COL4A5: variants seen among roughly 807,000 people sequenced by gnomAD.
The protein encoded by COL4A5 is collagen alpha-5(IV) chain.
Under a neutral mutation model 130.2 loss-of-function variants are expected in COL4A5, and 26 were observed. That is an observed-to-expected ratio of 0.20 (90% confidence interval 0.15 to 0.28). The LOEUF (loss-of-function observed/expected upper bound fraction) is 0.28. COL4A5 is among the 10% of genes least tolerant of loss of function. COL4A5 has a pLI of 1.00. For synonymous variants in COL4A5, 496 were observed against 439.6 expected (o/e 1.13, Z -1.60); for missense variants, 1,131 against 1,344.3 (o/e 0.84, Z 2.48).
At chrX:108,540,370 T>C (rs1181587542) in intron 2 of COL4A5, among the ~76,000 whole-genome samples, 1 of 112,353 alleles carries the variant, frequency 8.9e-6, no homozygotes, top group African/African-American at 3.2e-5. Flanking sequence ...TTTATCAAGC[T>C]ACTAATCTCT....
At chrX:108,554,770 C>T (rs770775714) in intron 2 of COL4A5, among the ~76,000 whole-genome samples, 1 of 110,907 alleles carries the variant, frequency 9.0e-6, no homozygotes, top group South Asian at 3.9e-4. Flanking sequence ...GCTGAGCTGG[C>T]AGGATCACCT....
chrX:108,457,281 A>C (rs2064593707), intron 1 of COL4A5, among the ~76,000 whole-genome samples: 1 of 111,904 alleles, frequency 8.9e-6, no homozygotes, highest in Admixed American at 9.5e-5. Flanking sequence ...AAACTGCCAA[A>C]TTGTTTTCCT....
chrX:108,532,652 G>A (rs985884056), intron 1 of COL4A5, among the ~76,000 whole-genome samples: 1 of 111,164 alleles, frequency 9.0e-6, no homozygotes. Context: ...CCTCTTTACC[G>A]ATATATCTAT....
intron 36 of COL4A5, among the ~76,000 whole-genome samples, chrX:108,641,186 TAAAG>T (rs1329568905): frequency 2.7e-5 from 3 of 112,002 alleles, no homozygotes; most frequent in Non-Finnish European, 5.6e-5. Flanking sequence ...AAAAGTTAAA[TAAAG>T]AGTTATCATA....
intron 36 of COL4A5, chrX:108,627,032 T>C (rs1269964654): frequency 4.2e-6 from 3 of 711,662 alleles, no homozygotes; most frequent in Non-Finnish European, 5.0e-6. Flanking sequence ...GATATAAGAA[T>C]TTATTGAATT....
rs1418422781 is a variant in COL4A5, at chrX:108,620,899, C to T, written c.2677+473C>T. On this transcript the variant is annotated intron_variant, in intron 31 of 52. Transcript: ENST00000328300. ...CATTATGGTAGTATAAGGCTGGTTG[C>T]TCCCCTTCCATGGCAGCTGGCTTCC... Among the ~76,000 whole-genome samples, 10 of 110,646 alleles carry T rather than the reference C, an allele frequency of 9.0e-5. No individual in the cohort carries two copies. In the Admixed American group the frequency reaches 9.7e-4, roughly 11 times the overall value.
At chrX:108,667,836 GA>G (rs57021388) in intron 40 of COL4A5, among the ~76,000 whole-genome samples, 11,381 of 110,386 alleles carry the variant, frequency 0.1, 1,298 homozygotes, top group African/African-American at 0.33. Context: ...CAGAGGTAGA[GA>G]AAAAATGTTG....
In COL4A5 at chrX:108,656,965, C is replaced by G. The variant is rs141110537; in HGVS notation, c.3373+1508C>G. Among the ~76,000 whole-genome samples the G allele has an allele frequency of 1.1e-3, 118 of 111,230 alleles. 3 individuals carry two copies. The East Asian group carries it at 0.032, about 30-fold the overall frequency. ...TCTCTGTGCCTCAGATTTGCCTTTC[C>G]TAATGCTGTTGTGTAATGAACAAAA... is the stretch of plus-strand genomic sequence containing the variant. On this transcript the variant is annotated intron_variant, in intron 37 of 52. Coordinates refer to ENST00000328300, the MANE Select transcript of COL4A5 (RefSeq NM_033380.3).
chrX:108,685,233 T>G (rs1470782696), intron 47 of COL4A5, among the ~76,000 whole-genome samples: 6 of 112,092 alleles, frequency 5.4e-5, no homozygotes, highest in Admixed American at 4.7e-4. Context: ...ATGCAGATCA[T>G]TCTTTTAAGG....
intron 18 of COL4A5, 115 bp from the exon 19 acceptor site, chrX:108,586,500 A>T: frequency 2.7e-6 from 2 of 742,957 alleles, no homozygotes; most frequent in Non-Finnish European, 4.1e-6. Context: ...AATGTGACTC[A>T]TAAACTATGT....
intron 1 of COL4A5, among the ~76,000 whole-genome samples, chrX:108,529,787 C>T (rs1328852273): frequency 2.8e-5 from 3 of 108,196 alleles, no homozygotes; most frequent in African/African-American, 1.0e-4. Flanking sequence ...GAGTTTAAGT[C>T]AAGAACAGTT....
chrX:108,558,680 G>A (rs2065862188), intron 2 of COL4A5, among the ~76,000 whole-genome samples: 1 of 110,777 alleles, frequency 9.0e-6, no homozygotes, highest in South Asian at 3.8e-4. Context: ...TTCAAGTCTG[G>A]GAGCTTCTCT....
chrX:108,558,998 A>G (rs2065866343), intron 2 of COL4A5, 66 bp from the exon 3 acceptor site: 7 of 882,085 alleles, frequency 7.9e-6, no homozygotes, highest in Middle Eastern at 5.7e-4. Flanking sequence ...ATCTTTTTGA[A>G]TCTCAACCAT....
chrX:108,561,275 T>C (rs2065894870), intron 3 of COL4A5, among the ~76,000 whole-genome samples: 1 of 111,228 alleles, frequency 9.0e-6, no homozygotes, highest in Admixed American at 9.5e-5. Flanking sequence ...GTCACAAGGT[T>C]AGTCTGTAGG....
At chrX:108,679,326 G>T (rs765333672) in intron 44 of COL4A5, among the ~76,000 whole-genome samples, 24 of 111,653 alleles carry the variant, frequency 2.1e-4, no homozygotes, top group Non-Finnish European at 4.3e-4. Flanking sequence ...GTGGCAAAAT[G>T]ATGTTGTTTC....
chrX:108,513,108 CTA>C (rs1479102022), intron 1 of COL4A5, among the ~76,000 whole-genome samples: 1 of 111,628 alleles, frequency 9.0e-6, no homozygotes, highest in African/African-American at 3.3e-5. Flanking sequence ...TTGTGTGAAC[CTA>C]TGTTTTAATT....
At chrX:108,641,445 T>C (rs1487986130) in intron 36 of COL4A5, among the ~76,000 whole-genome samples, 2 of 111,769 alleles carry the variant, frequency 1.8e-5, no homozygotes, top group East Asian at 5.6e-4. Context: ...GAGGTACGCA[T>C]TGTGAATTTA....
At chrX:108,577,019 C>T (rs1027633975) in intron 10 of COL4A5, among the ~76,000 whole-genome samples, 10 of 111,223 alleles carry the variant, frequency 9.0e-5, no homozygotes, top group African/African-American at 2.0e-4. Context: ...ATTCACTTTA[C>T]GTTTCTGGAT....
chrX:108,650,061 GA>G (rs1205465420), intron 36 of COL4A5, among the ~76,000 whole-genome samples: 2 of 103,965 alleles, frequency 1.9e-5, no homozygotes, highest in African/African-American at 3.5e-5. Flanking sequence ...AAATCAGTAA[GA>G]AAAAAAAACA....
Sources: allele counts gnomAD v4.1 joint callset (sites outside exome capture counted in the v4.1 genomes callset), GRCh38; gene constraint gnomAD v4.1.1; transcripts MANE v1.5; gene names NCBI Gene and HGNC (gene_info 2026-07-23, HGNC 2026-07-21).